The following IMMP2L variants were observed in gnomAD, a reference collection of about 807,000 sequenced individuals.
IMMP2L encodes inner mitochondrial membrane peptidase subunit 2.
IMMP2L carries 18 observed loss-of-function variants against 19.3 expected under a neutral mutation model. The observed-to-expected ratio is 0.93, with a 90% CI of 0.64 to 1.38. The LOEUF (loss-of-function observed/expected upper bound fraction) is 1.38, where lower values mean the gene tolerates loss of function less well. IMMP2L is among the 40% of genes most tolerant of loss of function. IMMP2L has a pLI of 0.00. For missense variants in IMMP2L, 233 were observed against 218.2 expected, an observed-to-expected ratio of 1.07 and a Z score of -0.43; for synonymous variants, 76 against 73.0, an observed-to-expected ratio of 1.04 and a Z score of -0.21.
At chr7:111,491,101 C>T (rs1038341324) in intron 2 of IMMP2L, among the ~76,000 whole-genome samples, 1 of 152,016 alleles carries the variant, frequency 6.6e-6, no homozygotes, top group Non-Finnish European at 1.5e-5. Context: ...AAGTCCTTTA[C>T]GATGATCCTC....
chr7:111,367,475 A>C (rs1323909410), intron 3 of IMMP2L, among the ~76,000 whole-genome samples: 1 of 139,564 alleles, frequency 7.2e-6, no homozygotes, highest in Non-Finnish European at 1.5e-5. Context: ...TCTCAGCAAA[A>C]AGGCTTTTTT....
At chr7:111,275,448 G>C (rs1322934163) in intron 3 of IMMP2L, among the ~76,000 whole-genome samples, 18 of 152,098 alleles carry the variant, frequency 1.2e-4, no homozygotes, top group Admixed American at 1.2e-3. Flanking sequence ...CTTCCTACAA[G>C]TAATTCACAC....
intron 3 of IMMP2L, among the ~76,000 whole-genome samples, chr7:111,278,248 T>C (rs1819318736): frequency 6.6e-6 from 1 of 152,194 alleles, no homozygotes; most frequent in South Asian, 2.1e-4. Flanking sequence ...TTGAAAAGTT[T>C]TAACATACAC....
chr7:111,205,872 G>A lies in IMMP2L; in HGVS notation c.240-242307C>T, dbSNP rs539610717. On this transcript the variant is annotated intron_variant, in intron 3 of 5. Coordinates refer to ENST00000405709, the MANE Select transcript of IMMP2L (RefSeq NM_032549.4). ...TATCAGGAGTCAGACTAGCTGGGGC[G>A]AGTTCATTTGTGACCTGCTTGCATT... 3.9e-5 allele frequency among the ~76,000 whole-genome samples: 6 copies of A among 152,098 alleles called. No homozygotes were observed. In the South Asian group the frequency reaches 8.3e-4, roughly 21 times the overall value.
At chr7:111,531,287 C>T (rs1490340236) in intron 1 of IMMP2L, among the ~76,000 whole-genome samples, 2 of 143,786 alleles carry the variant, frequency 1.4e-5, no homozygotes, top group African/African-American at 2.5e-5. Context: ...TAGTTGTTTT[C>T]TTTTTTTTTT....
At chr7:111,510,373 T>C (rs1307370453) in intron 2 of IMMP2L, among the ~76,000 whole-genome samples, 1 of 152,110 alleles carries the variant, frequency 6.6e-6, no homozygotes. Context: ...TATTGTATTA[T>C]ATACATACAT....
At chr7:111,209,173 C>T (rs527406943) in intron 3 of IMMP2L, among the ~76,000 whole-genome samples, 9 of 152,128 alleles carry the variant, frequency 5.9e-5, no homozygotes, top group East Asian at 3.9e-4. Context: ...GGGTGGATCA[C>T]GATCACGAGG....
At chr7:111,164,739 T>C (rs1285255246) in intron 3 of IMMP2L, among the ~76,000 whole-genome samples, 1 of 152,030 alleles carries the variant, frequency 6.6e-6, no homozygotes, top group Non-Finnish European at 1.5e-5. Context: ...AAACATAGCA[T>C]CTGTCAAGTT....
intron 5 of IMMP2L, among the ~76,000 whole-genome samples, chr7:110,751,136 A>G (rs964125774): frequency 6.6e-6 from 1 of 151,926 alleles, no homozygotes; most frequent in Non-Finnish European, 1.5e-5. Flanking sequence ...AACATCCAGA[A>G]TCTTTCCACT....
chr7:110,948,455 T>C (rs1264371828), intron 4 of IMMP2L, among the ~76,000 whole-genome samples: 1 of 152,196 alleles, frequency 6.6e-6, no homozygotes, highest in Non-Finnish European at 1.5e-5. Flanking sequence ...TCCAGCACAG[T>C]CAGAGCAAGC....
At chr7:110,675,958 G>A (rs1792265672) in intron 5 of IMMP2L, among the ~76,000 whole-genome samples, 1 of 152,106 alleles carries the variant, frequency 6.6e-6, no homozygotes, top group Non-Finnish European at 1.5e-5. Flanking sequence ...TATACTCTGA[G>A]GGCCTTACAT....
At chr7:111,106,799 A>G (rs1367811518) in intron 3 of IMMP2L, among the ~76,000 whole-genome samples, 1 of 151,168 alleles carries the variant, frequency 6.6e-6, no homozygotes, top group Non-Finnish European at 1.5e-5. Flanking sequence ...CATACCAAAA[A>G]AAATGGAATC....
chr7:110,858,044 C>T (rs958265252), intron 5 of IMMP2L, among the ~76,000 whole-genome samples: 4 of 152,042 alleles, frequency 2.6e-5, no homozygotes, highest in South Asian at 2.1e-4. Context: ...CAGCTGAACT[C>T]GTCTCACAGT....
At chr7:111,492,369 A>G in intron 2 of IMMP2L, 1 of 983,040 alleles carries the variant, frequency 1.0e-6, no homozygotes, top group South Asian at 4.7e-5. Flanking sequence ...CCATACTAGA[A>G]GACTCATAAG....
chr7:111,378,562 G>A (rs1563120252), intron 3 of IMMP2L, among the ~76,000 whole-genome samples: 1 of 151,896 alleles, frequency 6.6e-6, no homozygotes, highest in Non-Finnish European at 1.5e-5. Flanking sequence ...AGTTGTAACT[G>A]GCAAATCAGA....
intron 3 of IMMP2L, among the ~76,000 whole-genome samples, chr7:111,204,495 T>C (rs1810489296): frequency 6.6e-6 from 1 of 152,182 alleles, no homozygotes; most frequent in Admixed American, 6.5e-5. Flanking sequence ...ATCTATATTA[T>C]GTGTATTAGC....
chr7:110,983,354 T>C (rs1396716864), intron 3 of IMMP2L, among the ~76,000 whole-genome samples: 1 of 151,738 alleles, frequency 6.6e-6, no homozygotes, highest in Non-Finnish European at 1.5e-5. Context: ...ATAGACTTAA[T>C]GCTGTAACTT....
chr7:111,251,473 T>G (rs1478560347), intron 3 of IMMP2L, among the ~76,000 whole-genome samples: 1 of 152,110 alleles, frequency 6.6e-6, no homozygotes, highest in African/African-American at 2.4e-5. Context: ...TGCAGCACTA[T>G]TCACAACAGC....
rs1053823878 is a variant in IMMP2L, at chr7:110,815,244, C to T, written c.408+71349G>A. Among the ~76,000 whole-genome samples the T allele has an allele frequency of 5.9e-5, 9 of 152,082 alleles. 1 individual carries two copies. Among genetic ancestry groups the T allele is most frequent in the South Asian group, 2.1e-4 (1 of 4,812 alleles). On this transcript the variant is annotated intron_variant, in intron 5 of 5. Transcript: ENST00000405709. The stretch of plus-strand genomic sequence containing the variant: ...ATAATCATGTGGTTTTTGTCTTTGG[C>T]TCTGTTTATATGCTGGATTACATTT...
Sources: allele counts gnomAD v4.1 joint callset (sites outside exome capture counted in the v4.1 genomes callset), GRCh38; gene constraint gnomAD v4.1.1; transcripts MANE v1.5; gene names NCBI Gene and HGNC (gene_info 2026-07-23, HGNC 2026-07-21).